The following JAK2 variants were observed in gnomAD, a reference collection of about 807,000 sequenced individuals.
The protein encoded by JAK2 is tyrosine-protein kinase JAK2.
Under a neutral mutation model 139.3 loss-of-function variants are expected in JAK2, and 86 were observed. The ratio of observed to expected loss-of-function variants is 0.62; its 90% confidence interval spans 0.52 to 0.74. The LOEUF (loss-of-function observed/expected upper bound fraction) is 0.74, where lower values mean the gene tolerates loss of function less well. JAK2 is among the 30% of genes least tolerant of loss of function. The pLI is 0.00. For missense variants in JAK2, 1,421 were observed against 1,360.3 expected (o/e 1.04, Z -0.70); for synonymous variants, 490 against 437.7 (o/e 1.12, Z -1.49).
At position 5,106,899 on chromosome 9, in the gene JAK2, G is replaced by A. The variant is rs773624544; in HGVS notation, c.3059+15988G>A. Among the ~76,000 whole-genome samples, 127 of 152,070 alleles carry A rather than the reference G, an allele frequency of 8.4e-4. 2 individuals are homozygous for A. The highest frequency in any genetic ancestry group is 7.9e-4 in the Admixed American group (12 of 15,266). ...GAACATCACACAAAGGGGCCCGGGGGAGGGATAGCATTAGGAGAAATACCT... is the reference window on the plus strand; with the variant it reads ...GAACATCACACAAAGGGGCCCGGGGAAGGGATAGCATTAGGAGAAATACCT... On this transcript the variant is annotated intron_variant, in intron 22 of 24. Coordinates refer to ENST00000381652, the MANE Select transcript of JAK2 (RefSeq NM_004972.4).
intron 4 of JAK2, chr9:5,041,688 AG>A: frequency 5.9e-6 from 3 of 511,264 alleles, no homozygotes; most frequent in Admixed American, 2.2e-5. Context: ...CTTCGACCGA[AG>A]CGGCTTCGTG....
At position 5,081,854 on chromosome 9, in the gene JAK2, T is replaced by C; in HGVS notation, c.2564T>C (p.Leu855Pro). Residue 855 changes from leucine to proline, a missense_variant, in exon 19 of 25, where the codon CTT becomes CCT. Physicochemically the swap from Leu to Pro is moderately conservative, Grantham distance 98. Coordinates refer to ENST00000381652, the MANE Select transcript of JAK2 (RefSeq NM_004972.4). ...AGACATTTGAAATTTCTACAGCAAC[T>C]TGGCAAGGTAAATTGTCAGAATTTT... The part of the protein sequence containing the change: ...EERHLKFLQQ[L>P]GKGNFGSVEM... 1 of 1,612,494 alleles carries C rather than the reference T, an allele frequency of 6.2e-7. No homozygotes were observed. Among genetic ancestry groups the C allele is most frequent in the African/African-American group, 1.3e-5 (1 of 74,914 alleles).
chr9:5,085,417 C>T (rs62543863), intron 19 of JAK2: 198,745 of 758,854 alleles, frequency 0.26, 27,287 homozygotes, highest in South Asian at 0.29. Flanking sequence ...TGCTTTACAA[C>T]TGTTGGCTAT....
chr9:5,016,909 C>T (rs780254573), intron 2 of JAK2, among the ~76,000 whole-genome samples: 14 of 152,102 alleles, frequency 9.2e-5, no homozygotes, highest in South Asian at 2.1e-4. Context: ...TAGCATTTGA[C>T]GGCATAGTAG....
At position 5,127,342 on chromosome 9, in the gene JAK2, C is replaced by T. The variant is rs535932486; in HGVS notation, c.*551C>T. ...GAATAAGTACCTTTGTGTCCTTGTT[C>T]ATTTATATCGCTGGCCAGCATTATA... On this transcript the variant is annotated 3_prime_UTR_variant, in exon 25 of 25. Transcript: ENST00000381652. 2 of 231,998 alleles carry T rather than the reference C, an allele frequency of 8.6e-6. No homozygotes were observed. Among genetic ancestry groups the T allele is most frequent in the East Asian group, 1.2e-4 (2 of 16,486 alleles). The allele number at this position is 231,998 out of a possible 1,614,324, so 14.4% of individuals were successfully genotyped here.
At chr9:5,101,540 T>C (rs943262288) in intron 22 of JAK2, among the ~76,000 whole-genome samples, 1 of 152,250 alleles carries the variant, frequency 6.6e-6, no homozygotes, top group African/African-American at 2.4e-5. Flanking sequence ...TCTACCAGCA[T>C]GGTGTTTGAG....
chr9:5,032,182 G>A (rs957163905), intron 4 of JAK2, among the ~76,000 whole-genome samples: 1 of 152,222 alleles, frequency 6.6e-6, no homozygotes, highest in Non-Finnish European at 1.5e-5. Context: ...AAACTGCAAG[G>A]TGGCAGCGAG....
chr9:5,069,450 T>C (rs1180851993), intron 11 of JAK2, among the ~76,000 whole-genome samples: 1 of 152,214 alleles, frequency 6.6e-6, no homozygotes, highest in Non-Finnish European at 1.5e-5. Flanking sequence ...TGTGGTATGA[T>C]GTCATTTATT....
chr9:5,011,217 C>T (rs759038375), intron 2 of JAK2, among the ~76,000 whole-genome samples: 1 of 149,802 alleles, frequency 6.7e-6, no homozygotes, highest in Non-Finnish European at 1.5e-5. Flanking sequence ...TTATATGTAT[C>T]AGACTTTGTT....
At chr9:5,018,379 A>C (rs894652108) in intron 2 of JAK2, among the ~76,000 whole-genome samples, 4 of 152,112 alleles carry the variant, frequency 2.6e-5, no homozygotes, top group Admixed American at 2.0e-4. Context: ...TCTGTCCTCC[A>C]GGCTGGAGTG....
At chr9:5,111,074 G>A in intron 22 of JAK2, 1 of 1,216,016 alleles carries the variant, frequency 8.2e-7, no homozygotes. Flanking sequence ...AACTGGCCCA[G>A]CTCAGGCTCC....
At chr9:5,047,844 T>C (rs1817123996) in intron 5 of JAK2, among the ~76,000 whole-genome samples, 1 of 152,060 alleles carries the variant, frequency 6.6e-6, no homozygotes, top group Non-Finnish European at 1.5e-5. Flanking sequence ...CAAATGATCC[T>C]CCTACCTCAG....
intron 16 of JAK2, among the ~76,000 whole-genome samples, chr9:5,078,707 C>T (rs570480589): frequency 6.6e-6 from 1 of 152,092 alleles, no homozygotes; most frequent in South Asian, 2.1e-4. Flanking sequence ...GGATTTTATC[C>T]ATTTTTAGTA....
At chr9:5,026,968 A>G (rs936990130) in intron 3 of JAK2, among the ~76,000 whole-genome samples, 1 of 152,222 alleles carries the variant, frequency 6.6e-6, no homozygotes, top group African/African-American at 2.4e-5. Context: ...AACTTGACAC[A>G]TTGTTCTTTT....
intron 2 of JAK2, among the ~76,000 whole-genome samples, chr9:5,001,459 C>T (rs891793484): frequency 6.6e-6 from 1 of 152,096 alleles, no homozygotes; most frequent in African/African-American, 2.4e-5. Flanking sequence ...TGGTTTTGCT[C>T]CATTATTCTG....
intron 4 of JAK2, among the ~76,000 whole-genome samples, chr9:5,033,205 A>T (rs898344438): frequency 1.3e-5 from 2 of 152,236 alleles, no homozygotes; most frequent in African/African-American, 4.8e-5. Flanking sequence ...AAAAAGGAAT[A>T]AAAGGAAACA....
At chr9:5,081,660 A>G (rs986833195) in intron 18 of JAK2, 65 bp from the exon 19 acceptor site, 5 of 1,146,106 alleles carry the variant, frequency 4.4e-6, no homozygotes, top group African/African-American at 3.1e-5. Context: ...ACTTGAATGT[A>G]TATCAGTTTA....
At chr9:5,033,868 C>T (rs148078798) in intron 4 of JAK2, among the ~76,000 whole-genome samples, 355 of 152,174 alleles carry the variant, frequency 2.3e-3, no homozygotes, top group South Asian at 0.012. Flanking sequence ...TCATAAAGAC[C>T]GGATCAAATT....
At position 5,044,433 on chromosome 9, in the gene JAK2, C is replaced by A; in HGVS notation, c.381C>A (p.Gly127=). 3 of 1,612,414 alleles carry A rather than the reference C, an allele frequency of 1.9e-6. No homozygotes were observed. Among genetic ancestry groups the A allele is most frequent in the South Asian group, 1.1e-5 (1 of 90,846 alleles). Residue 127 remains glycine, a synonymous_variant, in exon 5 of 25, where the codon GGC becomes GGA. Coordinates refer to ENST00000381652, the MANE Select transcript of JAK2 (RefSeq NM_004972.4). ...ACTTTCCTCGTTGGTATTGCAGTGG[C>A]AGCAACAGAGCCTATCGGCATGGAA... ...RFYFPRWYCS[G]SNRAYRHGIS... is the part of the protein sequence containing the mutation.
Sources: gnomAD v4.1 joint callset for allele counts (sites outside exome capture counted in the v4.1 genomes callset) on GRCh38, gnomAD v4.1.1 for gene constraint, MANE v1.5 for transcripts, NCBI Gene and HGNC (gene_info 2026-07-23, HGNC 2026-07-21) for gene names.